PTPN14: variants seen among roughly 807,000 people sequenced by gnomAD.
PTPN14 encodes the protein protein tyrosine phosphatase non-receptor type 14, also known as tyrosine-protein phosphatase non-receptor type 14.
Under a neutral mutation model 126.8 loss-of-function variants are expected in PTPN14, and 53 were observed. The ratio of observed to expected loss-of-function variants is 0.42; its 90% CI spans 0.34 to 0.53. PTPN14 has a LOEUF of 0.53. Among genes scored for constraint, PTPN14 ranks in the 20% least tolerant of loss-of-function variants. PTPN14 has a pLI of 0.08. For missense variants in PTPN14, 1,257 were observed against 1,552.9 expected (o/e 0.81, Z 3.20); for synonymous variants, 630 against 599.3 (o/e 1.05, Z -0.75).
chr1:214,502,919 G>A (rs1314785462), intron 1 of PTPN14, among the ~76,000 whole-genome samples: 1 of 152,142 alleles, frequency 6.6e-6, no homozygotes, highest in East Asian at 1.9e-4. Flanking sequence ...AAAATTAAGT[G>A]AAAAGTTGCT....
intron 2 of PTPN14, among the ~76,000 whole-genome samples, chr1:214,459,442 T>TG (rs1426940249): frequency 6.7e-6 from 1 of 148,900 alleles, no homozygotes; most frequent in Non-Finnish European, 1.5e-5. Context: ...CATGAGCCAC[T>TG]GTGCCCAGCT....
chr1:214,494,464 G>A (rs77774830), intron 1 of PTPN14, among the ~76,000 whole-genome samples: 7,004 of 152,176 alleles, frequency 0.046, 197 homozygotes, highest in South Asian at 0.075. Context: ...GGCGATTCCT[G>A]CCATATAAGA....
chr1:214,459,086 C>T (rs373139371), intron 2 of PTPN14, among the ~76,000 whole-genome samples: 3 of 152,174 alleles, frequency 2.0e-5, no homozygotes, highest in South Asian at 4.2e-4. Flanking sequence ...TGACCTCTTG[C>T]CAGGTTTACA....
At chr1:214,485,793 T>A (rs1009163235) in intron 1 of PTPN14, among the ~76,000 whole-genome samples, 2 of 151,964 alleles carry the variant, frequency 1.3e-5, no homozygotes, top group Admixed American at 1.3e-4. Context: ...TGGCGCGATC[T>A]CAGCTCACTG....
At chr1:214,527,906 TG>T (rs1655441395) in intron 1 of PTPN14, among the ~76,000 whole-genome samples, 1 of 152,226 alleles carries the variant, frequency 6.6e-6, no homozygotes. Context: ...GAAAGAAGAA[TG>T]GTTACAATAT....
In PTPN14 at chr1:214,411,710, G is replaced by A. The variant is rs771437100; in HGVS notation, c.484C>T (p.Leu162Phe). 1.3e-6 allele frequency: 2 copies of A among 1,509,364 alleles called. No homozygotes were observed. The highest frequency in any genetic ancestry group is 1.8e-5 in the Admixed American group (1 of 56,266). The allele number at this position is 1,509,364 out of a possible 1,614,324, so 93.5% of individuals were successfully genotyped here. The stretch of plus-strand genomic sequence containing the variant: ...ATAGGAAATAGCACATACTCTCTGA[G>A]GAAATCTTGAGAATCAAACTGATTA... ...DYNQFDSQDF[L>F]REYVLFPMDL... Residue 162 changes from leucine (L) to phenylalanine (F), a missense_variant, in exon 5 of 19, where the codon CTC becomes TTC. Coordinates refer to ENST00000366956, the MANE Select transcript of PTPN14 (RefSeq NM_005401.5).
At chr1:214,376,155 C>T (rs1196561688) in intron 15 of PTPN14, 64 bp downstream of exon 15, 28 of 1,454,052 alleles carry the variant, frequency 1.9e-5, no homozygotes, top group Middle Eastern at 1.9e-4. Flanking sequence ...ATTTTCTTCT[C>T]CCCGCATTTT....
At chr1:214,486,149 T>C (rs957647521) in intron 1 of PTPN14, among the ~76,000 whole-genome samples, 2 of 152,168 alleles carry the variant, frequency 1.3e-5, no homozygotes, top group African/African-American at 4.8e-5. Context: ...TTATCATCAA[T>C]AAATGTTCAT....
chr1:214,396,687 G>A (rs754007123), intron 8 of PTPN14, among the ~76,000 whole-genome samples: 13 of 152,344 alleles, frequency 8.5e-5, no homozygotes, highest in Non-Finnish European at 1.6e-4. Flanking sequence ...CAAAACCTGT[G>A]AGTGGCTTAT....
intron 3 of PTPN14, among the ~76,000 whole-genome samples, chr1:214,438,293 G>C (rs762209382): frequency 6.6e-6 from 1 of 152,082 alleles, no homozygotes; most frequent in African/African-American, 2.4e-5. Flanking sequence ...CTCCTTGCTC[G>C]GGCCTGATAA....
At chr1:214,480,206 G>A (rs192593854) in intron 1 of PTPN14, among the ~76,000 whole-genome samples, 2 of 152,266 alleles carry the variant, frequency 1.3e-5, no homozygotes, top group East Asian at 1.9e-4. Context: ...ATTTTTAGAA[G>A]TCTCTTATTG....
At chr1:214,439,640 C>T (rs184748450) in intron 3 of PTPN14, among the ~76,000 whole-genome samples, 1 of 152,304 alleles carries the variant, frequency 6.6e-6, no homozygotes, top group East Asian at 1.9e-4. Flanking sequence ...CATGTTGCAA[C>T]ATGTCCCGCT....
chr1:214,422,283 G>A (rs1291900460), intron 3 of PTPN14, among the ~76,000 whole-genome samples: 1 of 152,072 alleles, frequency 6.6e-6, no homozygotes, highest in Non-Finnish European at 1.5e-5. Flanking sequence ...ACTGATCTCT[G>A]AGCCACCATG....
At chr1:214,393,276 G>C (rs1353597088) in intron 10 of PTPN14, among the ~76,000 whole-genome samples, 2 of 152,142 alleles carry the variant, frequency 1.3e-5, no homozygotes, top group Non-Finnish European at 2.9e-5. Context: ...CTGTGTAAGC[G>C]ACACGGGGCT....
intron 18 of PTPN14, among the ~76,000 whole-genome samples, chr1:214,363,177 T>C (rs142184360): frequency 6.6e-6 from 1 of 152,246 alleles, no homozygotes; most frequent in Non-Finnish European, 1.5e-5. Context: ...AACATTTCGC[T>C]CAAGCTTTGT....
In PTPN14 at chr1:214,426,544, T is replaced by A. The variant is rs75277454; in HGVS notation, c.345-11818A>T. Among the ~76,000 whole-genome samples the A allele has an allele frequency of 9.9e-3, 1,485 of 149,822 alleles. 30 individuals carry two copies. The highest frequency in any genetic ancestry group is 0.034 in the African/African-American group (1,406 of 40,862). ...GTAACTTCCTAGAGAAAAAAAAAAATGATGGCCAAAGTGACAAGTAACTAC... is the reference window on the plus strand; with the variant it reads ...GTAACTTCCTAGAGAAAAAAAAAAAAGATGGCCAAAGTGACAAGTAACTAC... On this transcript the variant is annotated intron_variant, in intron 3 of 18. Coordinates refer to ENST00000366956, the MANE Select transcript of PTPN14 (RefSeq NM_005401.5).
chr1:214,459,489 G>A (rs919962643), intron 2 of PTPN14, among the ~76,000 whole-genome samples: 1 of 51,362 alleles, frequency 1.9e-5, no homozygotes, highest in Admixed American at 1.9e-4. Flanking sequence ...TTTTTTTTTT[G>A]AGACAGTATC....
chr1:214,452,450 T>A (rs1336305228), intron 2 of PTPN14, among the ~76,000 whole-genome samples: 1 of 152,254 alleles, frequency 6.6e-6, no homozygotes, highest in Non-Finnish European at 1.5e-5. Flanking sequence ...TAGAATATTT[T>A]CATACAGTAC....
intron 1 of PTPN14, among the ~76,000 whole-genome samples, chr1:214,502,341 A>G (rs1206383762): frequency 1.3e-5 from 2 of 151,994 alleles, no homozygotes; most frequent in African/African-American, 4.8e-5. Flanking sequence ...GTTCAACCCA[A>G]CTCTGTTCTT....
Sources: gnomAD v4.1 joint callset for allele counts (sites outside exome capture counted in the v4.1 genomes callset) on GRCh38, gnomAD v4.1.1 for gene constraint, MANE v1.5 for transcripts, NCBI Gene and HGNC (gene_info 2026-07-23, HGNC 2026-07-21) for gene names.